Variants in ARHGEF12 observed in about 807,000 individuals in gnomAD.
ARHGEF12 encodes the protein Rho guanine nucleotide exchange factor 12, also known as KMT2A/ARHGEF12 fusion protein.
ARHGEF12 carries 66 observed loss-of-function variants against 211.2 expected under a neutral mutation model. The observed-to-expected ratio is 0.31, with a 90% CI of 0.26 to 0.38. The LOEUF (loss-of-function observed/expected upper bound fraction) is 0.38, where lower values mean the gene tolerates loss of function less well. Among genes scored for constraint, ARHGEF12 ranks in the 10% least tolerant of loss-of-function variants. The pLI, the probability that ARHGEF12 is intolerant of heterozygous loss-of-function variation, is 1.00. For synonymous variants in ARHGEF12, 592 were observed against 638.4 expected (o/e 0.93, Z 1.09); for missense variants, 1,429 against 1,869.5 (o/e 0.76, Z 4.34).
chr11:120,431,187 G>A (rs1256131802), intron 10 of ARHGEF12, among the ~76,000 whole-genome samples: 9 of 152,104 alleles, frequency 5.9e-5, no homozygotes, highest in Non-Finnish European at 1.3e-4. Context: ...CTACTCGGGA[G>A]GCTGAGGCAG....
intron 37 of ARHGEF12, 22 bp downstream of exon 37, chr11:120,478,411 T>C: frequency 2.5e-6 from 4 of 1,578,940 alleles, no homozygotes; most frequent in East Asian, 2.3e-5. Flanking sequence ...TCATAACTTA[T>C]TACAGATACT....
intron 31 of ARHGEF12, 77 bp from the exon 32 acceptor site, chr11:120,474,483 A>G: frequency 1.1e-6 from 1 of 933,748 alleles, no homozygotes; most frequent in South Asian, 1.9e-5. Context: ...TTTCTTTAAA[A>G]GAGACTGTAT....
chr11:120,361,898 T>A (rs1943288120), intron 1 of ARHGEF12, among the ~76,000 whole-genome samples: 1 of 152,258 alleles, frequency 6.6e-6, no homozygotes, highest in Non-Finnish European at 1.5e-5. Context: ...CCAGAAATAT[T>A]TGAAATTTTT....
chr11:120,373,581 T>A (rs1445023638), intron 1 of ARHGEF12, among the ~76,000 whole-genome samples: 1 of 152,206 alleles, frequency 6.6e-6, no homozygotes, highest in Non-Finnish European at 1.5e-5. Context: ...TGGAAATGTA[T>A]TTCTATTATT....
intron 4 of ARHGEF12, chr11:120,410,701 G>GACCAGTGCTTTTTCTGTGTATACCTTTT: frequency 1.3e-5 from 2 of 152,080 alleles, no homozygotes; most frequent in African/African-American, 4.8e-5. Context: ...GGGTTTTTGT[G>GACCAGTGCTTTTTCTGTGTATACCTTTT]ACCAGTGCTT....
chr11:120,366,919 G>A (rs1241777340), intron 1 of ARHGEF12, among the ~76,000 whole-genome samples: 1 of 152,182 alleles, frequency 6.6e-6, no homozygotes, highest in Non-Finnish European at 1.5e-5. Flanking sequence ...GGGAGGCTGA[G>A]GCAGGAGAAT....
At chr11:120,408,516 A>G (rs1944781855) in intron 3 of ARHGEF12, 1 of 152,122 alleles carries the variant, frequency 6.6e-6, no homozygotes, top group Non-Finnish European at 1.5e-5. Context: ...TGAAACTGAT[A>G]TATATTTTTT....
chr11:120,342,540 C>G (rs1414349117), intron 1 of ARHGEF12, among the ~76,000 whole-genome samples: 2 of 152,146 alleles, frequency 1.3e-5, no homozygotes, highest in African/African-American at 4.8e-5. Flanking sequence ...TTCTGTTGAT[C>G]CATTGTCTAA....
At chr11:120,457,686 G>T in intron 23 of ARHGEF12, 35 bp from the exon 24 acceptor site, 3 of 1,552,918 alleles carry the variant, frequency 1.9e-6, no homozygotes, top group Admixed American at 1.8e-5. Context: ...TCACCATTTT[G>T]TTTTCATGTT....
intron 1 of ARHGEF12, among the ~76,000 whole-genome samples, chr11:120,404,020 A>T (rs772722982): frequency 1.3e-5 from 2 of 152,070 alleles, no homozygotes; most frequent in Non-Finnish European, 2.9e-5. Context: ...TCTCTTTTCT[A>T]ATTCATTTTC....
In ARHGEF12 at chr11:120,478,331, C is replaced by T. The variant is rs201932467; in HGVS notation, c.3708C>T (p.Ile1236=). ...KEVGEDYQIA[I]PDSHLPVSEE... ...TTGGAGAAGATTATCAAATCGCAATCCCAGATTCACACCTGCCTGTCTCAG... is the reference window on the plus strand; with the variant it reads ...TTGGAGAAGATTATCAAATCGCAATTCCAGATTCACACCTGCCTGTCTCAG... The change falls in exon 37 of 41, where the codon ATC becomes ATT. Residue 1236 remains isoleucine, a synonymous_variant. Transcript: ENST00000397843. The T allele has an allele frequency of 1.8e-5, 29 of 1,614,178 alleles. No individual in the cohort carries two copies. Among genetic ancestry groups the T allele is most frequent in the Admixed American group, 1.7e-5 (1 of 60,020 alleles).
At chr11:120,472,942 A>T (rs777394240) in intron 30 of ARHGEF12, 108 bp from the exon 31 acceptor site, 151 of 984,366 alleles carry the variant, frequency 1.5e-4, no homozygotes, top group Non-Finnish European at 2.3e-4. Flanking sequence ...GGTGTGAGCC[A>T]CCACGCCTGG....
At chr11:120,378,263 A>C (rs761174360) in intron 1 of ARHGEF12, among the ~76,000 whole-genome samples, 8 of 152,184 alleles carry the variant, frequency 5.3e-5, no homozygotes, top group Non-Finnish European at 1.0e-4. Context: ...TTCTCTAATG[A>C]TGAATGATAT....
At chr11:120,442,949 A>T (rs1945925852) in intron 15 of ARHGEF12, among the ~76,000 whole-genome samples, 1 of 151,912 alleles carries the variant, frequency 6.6e-6, no homozygotes, top group Admixed American at 6.6e-5. Flanking sequence ...AACTTCTACC[A>T]GATGTATCAT....
intron 1 of ARHGEF12, among the ~76,000 whole-genome samples, chr11:120,352,542 A>G (rs1016254320): frequency 6.6e-6 from 1 of 152,218 alleles, no homozygotes; most frequent in African/African-American, 2.4e-5. Context: ...ATTTTCTGCC[A>G]TTTAAAGATA....
chr11:120,371,013 G>A (rs1403982137), intron 1 of ARHGEF12, among the ~76,000 whole-genome samples: 1 of 152,088 alleles, frequency 6.6e-6, no homozygotes, highest in African/African-American at 2.4e-5. Flanking sequence ...CAACTTTTCT[G>A]AGCCTAATTC....
intron 1 of ARHGEF12, among the ~76,000 whole-genome samples, chr11:120,362,449 G>A (rs10790380): frequency 0.41 from 63,016 of 151,946 alleles, 13,274 homozygotes; most frequent in South Asian, 0.47. Flanking sequence ...CTTCTACTTC[G>A]TCCAGTTGAA....
intron 12 of ARHGEF12, among the ~76,000 whole-genome samples, chr11:120,437,889 T>C (rs941202953): frequency 6.6e-6 from 1 of 152,242 alleles, no homozygotes; most frequent in African/African-American, 2.4e-5. Flanking sequence ...ATCCGTGTTG[T>C]AGCATGTGTC....
At chr11:120,444,938 T>G (rs549205800) in intron 15 of ARHGEF12, among the ~76,000 whole-genome samples, 11 of 152,328 alleles carry the variant, frequency 7.2e-5, no homozygotes, top group African/African-American at 2.6e-4. Flanking sequence ...TTGTGAGGGC[T>G]CTTAAACTTT....
Sources: allele counts gnomAD v4.1 joint callset (sites outside exome capture counted in the v4.1 genomes callset), GRCh38; gene constraint gnomAD v4.1.1; transcripts MANE v1.5; gene names NCBI Gene and HGNC (gene_info 2026-07-23, HGNC 2026-07-21).